PHLPP1: variants seen among roughly 807,000 people sequenced by gnomAD.
PHLPP1 encodes the protein PH domain leucine-rich repeat-containing protein phosphatase 1.
Under a neutral mutation model 117.2 loss-of-function variants are expected in PHLPP1, and 42 were observed. That is an observed-to-expected ratio of 0.36 (90% CI 0.28 to 0.46). The LOEUF is 0.46. Among genes scored for constraint, PHLPP1 ranks in the 20% least tolerant of loss-of-function variants. PHLPP1 has a pLI of 1.00. For synonymous variants in PHLPP1, 1,042 were observed against 970.7 expected, an observed-to-expected ratio of 1.07 and a Z score of -1.37; for missense variants, 2,084 against 2,241.9, an observed-to-expected ratio of 0.93 and a Z score of 1.42.
intron 10 of PHLPP1, among the ~76,000 whole-genome samples, chr18:62,934,089 A>G (rs1191319995): frequency 6.6e-6 from 1 of 152,132 alleles, no homozygotes; most frequent in Non-Finnish European, 1.5e-5. Context: ...TGTCAAGGAT[A>G]TGGAGAAAAG....
chr18:62,815,766 T>C (rs1383131892), intron 1 of PHLPP1, among the ~76,000 whole-genome samples: 1 of 152,238 alleles, frequency 6.6e-6, no homozygotes, highest in East Asian at 1.9e-4. Flanking sequence ...TGGAATTAGG[T>C]GCTCTCTTTT....
chr18:62,849,663 A>T (rs1915273973), intron 3 of PHLPP1, among the ~76,000 whole-genome samples: 1 of 148,764 alleles, frequency 6.7e-6, no homozygotes, highest in Non-Finnish European at 1.5e-5. Context: ...AAAAAAAAAA[A>T]AAAAAATCTA....
chr18:62,945,303 T>G (rs525092), intron 12 of PHLPP1, 32 bp downstream of exon 12: 637,295 of 1,539,062 alleles, frequency 0.41, 134,742 homozygotes, highest in East Asian at 0.64. Context: ...ACTCTAAGCT[T>G]CAGGTCGGCA....
intron 1 of PHLPP1, among the ~76,000 whole-genome samples, chr18:62,807,767 G>A (rs1243083576): frequency 6.6e-6 from 1 of 152,104 alleles, no homozygotes; most frequent in Non-Finnish European, 1.5e-5. Flanking sequence ...AAAAATAATA[G>A]TAAAAATACA....
chr18:62,893,308 G>T (rs1051502165), intron 4 of PHLPP1, among the ~76,000 whole-genome samples: 66 of 152,184 alleles, frequency 4.3e-4, no homozygotes, highest in African/African-American at 1.5e-3. Flanking sequence ...GCCTCCCAAA[G>T]TGCTGGGATT....
chr18:62,729,630 A>G (rs1235692532), intron 1 of PHLPP1, among the ~76,000 whole-genome samples: 1 of 152,096 alleles, frequency 6.6e-6, no homozygotes, highest in Non-Finnish European at 1.5e-5. Flanking sequence ...AGCTGAGATC[A>G]TGCCACTGCG....
At chr18:62,830,843 G>A (rs1914738549) in intron 2 of PHLPP1, among the ~76,000 whole-genome samples, 1 of 152,150 alleles carries the variant, frequency 6.6e-6, no homozygotes, top group South Asian at 2.1e-4. Flanking sequence ...GATATCTTAA[G>A]CATACATTTT....
At chr18:62,860,326 C>A in intron 3 of PHLPP1, 109 bp from the exon 4 acceptor site, 1 of 885,504 alleles carries the variant, frequency 1.1e-6, no homozygotes, top group Non-Finnish European at 1.8e-6. Context: ...ACTAACAGTG[C>A]TACTTTCATA....
intron 1 of PHLPP1, among the ~76,000 whole-genome samples, chr18:62,828,472 T>C (rs965399312): frequency 3.0e-4 from 46 of 152,220 alleles, no homozygotes; most frequent in Non-Finnish European, 8.8e-5. Flanking sequence ...CTGGTTCAAG[T>C]AGCTGAATCA....
At chr18:62,843,614 G>C (rs986141504) in intron 3 of PHLPP1, among the ~76,000 whole-genome samples, 2 of 152,140 alleles carry the variant, frequency 1.3e-5, no homozygotes, top group Non-Finnish European at 2.9e-5. Context: ...AGACACTGTG[G>C]GAGAGCTCTT....
intron 10 of PHLPP1, among the ~76,000 whole-genome samples, chr18:62,940,127 A>T (rs1233041700): frequency 6.6e-6 from 1 of 152,000 alleles, no homozygotes; most frequent in Admixed American, 6.6e-5. Context: ...ATTCGTCATG[A>T]ATCAGGAGGG....
chr18:62,837,261 G>T (rs1057280662), intron 2 of PHLPP1, among the ~76,000 whole-genome samples: 1 of 152,092 alleles, frequency 6.6e-6, no homozygotes, highest in Non-Finnish European at 1.5e-5. Context: ...CGAAGTGCTG[G>T]GATTACAAGT....
intron 1 of PHLPP1, among the ~76,000 whole-genome samples, chr18:62,744,496 A>G (rs1911621998): frequency 6.6e-6 from 1 of 152,232 alleles, no homozygotes; most frequent in Admixed American, 6.5e-5. Context: ...CTCTGTCTTA[A>G]GCCTGACTCC....
chr18:62,832,801 AAGG>A (rs1394054652), intron 2 of PHLPP1, among the ~76,000 whole-genome samples: 1 of 152,066 alleles, frequency 6.6e-6, no homozygotes, highest in Non-Finnish European at 1.5e-5. Flanking sequence ...GTATGAATGA[AAGG>A]AGTTTTATTT....
rs1343636523 is a variant in PHLPP1, at chr18:62,905,321, T to C, written c.2708+37T>C. ...AGTCTTAGAGCCCTCTAGAGTCTACTAGAAAATTATTTAGTAATTCTGTCT... is the reference window on the plus strand; with the variant it reads ...AGTCTTAGAGCCCTCTAGAGTCTACCAGAAAATTATTTAGTAATTCTGTCT... On this transcript the variant is annotated intron_variant, in intron 8 of 16. Coordinates refer to ENST00000262719, the MANE Select transcript of PHLPP1 (RefSeq NM_194449.4). 5 of 1,128,186 alleles carry C rather than the reference T, an allele frequency of 4.4e-6. 1 individual carries two copies. The highest frequency in any genetic ancestry group is 5.9e-5 in the Admixed American group (2 of 33,894). The allele number at this position is 1,128,186 out of a possible 1,614,324, so 69.9% of individuals were successfully genotyped here. A position where few individuals can be genotyped will look rare whatever the true frequency, so the allele number is the denominator to read the frequency against.
In PHLPP1 at chr18:62,725,447, GAT is replaced by G. The variant is rs539013568; in HGVS notation, c.1576+8189_1576+8190del. Among the ~76,000 whole-genome samples, 232 of 151,814 alleles carry G rather than the reference GAT, an allele frequency of 1.5e-3. 1 individual carries two copies. Among genetic ancestry groups the G allele is most frequent in the African/African-American group, 5.4e-3 (224 of 41,454 alleles). ...ATCTTCTTTGAATTATTTTTAAAAA[GAT>G]GTGTCAAAATTAATTGCAACTTAGC... is the stretch of plus-strand genomic sequence containing the variant. On this transcript the variant is annotated intron_variant, in intron 1 of 16. Coordinates refer to ENST00000262719, the MANE Select transcript of PHLPP1 (RefSeq NM_194449.4).
intron 14 of PHLPP1, among the ~76,000 whole-genome samples, chr18:62,966,090 TGCTGTGTGACCATGG>T (rs1330843963): frequency 6.6e-6 from 1 of 152,130 alleles, no homozygotes; most frequent in Non-Finnish European, 1.5e-5. Context: ...TATACTTTCT[TGCTGTGTGACCATGG>T]GCAGTTTCTC....
intron 4 of PHLPP1, among the ~76,000 whole-genome samples, chr18:62,892,318 AC>A: frequency 6.6e-6 from 1 of 151,748 alleles, no homozygotes; most frequent in East Asian, 2.0e-4. Flanking sequence ...CGAACTCCTG[AC>A]TTCAGGTGAT....
intron 1 of PHLPP1, among the ~76,000 whole-genome samples, chr18:62,784,978 C>T (rs1000574218): frequency 8.5e-5 from 13 of 152,088 alleles, no homozygotes; most frequent in Admixed American, 2.0e-4. Flanking sequence ...TTATTTATAA[C>T]GAAGGCAATT....
Sources: allele counts gnomAD v4.1 joint callset (sites outside exome capture counted in the v4.1 genomes callset), GRCh38; gene constraint gnomAD v4.1.1; transcripts MANE v1.5; gene names NCBI Gene and HGNC (gene_info 2026-07-23, HGNC 2026-07-21).